Variants in MFSD2A observed in about 807,000 individuals in gnomAD.
The protein encoded by MFSD2A is MFSD2 lysolipid transporter A, lysophospholipid.
A neutral mutation model predicts 64.7 loss-of-function variants in MFSD2A; 27 were observed. The observed-to-expected ratio is 0.42, with a 90% confidence interval of 0.31 to 0.58. The LOEUF (loss-of-function observed/expected upper bound fraction) is 0.58, where lower values mean the gene tolerates loss of function less well. Among genes scored for constraint, MFSD2A ranks in the 20% least tolerant of loss-of-function variants. The pLI is 0.18. For missense variants in MFSD2A, 474 were observed against 679.5 expected, an observed-to-expected ratio of 0.70 and a Z score of 3.36; for synonymous variants, 258 against 273.4, an observed-to-expected ratio of 0.94 and a Z score of 0.55.
intron 3 of MFSD2A, among the ~76,000 whole-genome samples, chr1:39,961,537 C>T (rs763156852): frequency 6.6e-6 from 1 of 151,812 alleles, no homozygotes; most frequent in Non-Finnish European, 1.5e-5. Flanking sequence ...TTAGTAGAGA[C>T]GAGGTTTCAC....
In MFSD2A at chr1:39,968,722, T is replaced by A. The variant is rs1645218187; in HGVS notation, c.1506T>A (p.Asn502Lys). 2.5e-6 allele frequency: 4 copies of A among 1,613,784 alleles called. No individual in the cohort carries two copies. The highest frequency in any genetic ancestry group is 1.3e-5 in the African/African-American group (1 of 74,800). ...YPIDEERRRQ[N>K]KKALQALRDE... is the part of the protein sequence containing the mutation. ...TTGATGAGGAGAGGCGGCGGCAGAATAAGAAGGCCCTGCAGGCACTGAGGT... is the reference window on the plus strand; with the variant it reads ...TTGATGAGGAGAGGCGGCGGCAGAAAAAGAAGGCCCTGCAGGCACTGAGGT... Residue 502 changes from asparagine (N) to lysine (K), a missense_variant, in exon 13 of 14, where the codon AAT becomes AAA. Asn to Lys is a moderately conservative substitution (Grantham distance 94, BLOSUM62 0). Coordinates refer to ENST00000372811, the MANE Select transcript of MFSD2A (RefSeq NM_032793.5). The surrounding 1 kb of genome is among the most constrained non-coding windows in gnomAD (Gnocchi z 4.4).
At chr1:39,961,568 C>T (rs1397675346) in intron 3 of MFSD2A, among the ~76,000 whole-genome samples, 8 of 151,868 alleles carry the variant, frequency 5.3e-5, no homozygotes, top group African/African-American at 1.9e-4. Flanking sequence ...AAGATGGTCT[C>T]GATCTCCTGA....
intron 3 of MFSD2A, chr1:39,962,563 G>T (rs1443989334): frequency 1.6e-6 from 1 of 618,076 alleles, no homozygotes; most frequent in Non-Finnish European, 2.9e-6. Flanking sequence ...GATGACACTG[G>T]TGCAGCGGGG....
chr1:39,967,464 C>T, intron 9 of MFSD2A, 164 bp from the exon 10 acceptor site: 1 of 693,982 alleles, frequency 1.4e-6, no homozygotes, highest in South Asian at 1.7e-5. Flanking sequence ...CTCTGAGCTC[C>T]CCTGGGGAGC....
chr1:39,964,929 C>T lies in MFSD2A; in HGVS notation c.354-282C>T. 1 of 478,854 alleles carries T rather than the reference C, an allele frequency of 2.1e-6. No individual in the cohort carries two copies. The highest frequency in any genetic ancestry group is 2.6e-5 in the South Asian group (1 of 38,324). 29.7% of individuals were successfully genotyped at this position (478,854 alleles called of 1,614,324 possible). A position where few individuals can be genotyped will look rare whatever the true frequency, so the allele number is the denominator to read the frequency against. On this transcript the variant is annotated intron_variant, in intron 3 of 13. Coordinates refer to ENST00000372811, the MANE Select transcript of MFSD2A (RefSeq NM_032793.5). The surrounding 1 kb of genome is among the most constrained non-coding windows in gnomAD (Gnocchi z 4.1). ...GGTCTTGGACTCCTGTCCTAACTCT[C>T]AGCCCATTAGAGGCTGCTGCCTCTG...
rs548302667 is a variant in MFSD2A at position 39,955,288 on chromosome 1, G to C, written c.-5G>C. The C allele has an allele frequency of 5.7e-6, 8 of 1,413,382 alleles. No individual in the cohort carries two copies. Among genetic ancestry groups the C allele is most frequent in the Non-Finnish European group, 7.4e-6 (8 of 1,081,192 alleles). 87.6% of individuals were successfully genotyped at this position (1,413,382 alleles called of 1,614,324 possible). On this transcript the variant is annotated 5_prime_UTR_variant, in exon 1 of 14. Transcript: ENST00000372811. The surrounding 1 kb of genome is among the most constrained non-coding windows in gnomAD (Gnocchi z 5.9). ...CCAGGTCCCAAGCGGCGTGGCCCGC[G>C]GGTCATGGCCAAAGGAGAAGGCGCC...
chr1:39,967,995 A>G lies in MFSD2A; in HGVS notation c.1208+79A>G, dbSNP rs374281341. On this transcript the variant is annotated intron_variant, in intron 11 of 13. Transcript: ENST00000372811. ...TTTGAAGCTCCTTAGGGAGAGTTCT[A>G]TGCAGTGTTCTCCCACAGGCCATTC... is the stretch of plus-strand genomic sequence containing the variant. 9.0e-6 allele frequency: 8 copies of G among 884,392 alleles called. No homozygotes were observed. The African/African-American group carries it at 1.0e-4, about 11-fold the overall frequency. The allele number at this position is 884,392 out of a possible 1,614,324, so 54.8% of individuals were successfully genotyped here. A position where few individuals can be genotyped will look rare whatever the true frequency, so the allele number is the denominator to read the frequency against.
At chr1:39,959,947 A>T (rs891727884) in intron 3 of MFSD2A, among the ~76,000 whole-genome samples, 32 of 152,250 alleles carry the variant, frequency 2.1e-4, no homozygotes, top group African/African-American at 7.7e-4. Context: ...TCCATGTGGG[A>T]CCCTCCAACA....
Position 39,965,396 on chromosome 1 carries a change from C to T in MFSD2A, c.477+62C>T. 6.2e-7 allele frequency: 1 copy of T among 1,613,460 alleles called. No individual in the cohort carries two copies. Among genetic ancestry groups the T allele is most frequent in the Non-Finnish European group, 8.5e-7 (1 of 1,179,616 alleles). On this transcript the variant is annotated intron_variant, in intron 4 of 13. Transcript: ENST00000372811. This position sits in a 1 kb window ranked among gnomAD's most constrained non-coding sequence, Gnocchi z 5.5. ...CCGGGAGGAGGGCGGTCCTTGGGGC[C>T]CCCAGGGTTGGTACTGGAAGCTACA...
chr1:39,968,239 C>T lies in MFSD2A; in HGVS notation c.1209-95C>T. 2.0e-6 allele frequency: 3 copies of T among 1,466,078 alleles called. No individual in the cohort carries two copies. The highest frequency in any genetic ancestry group is 2.8e-6 in the Non-Finnish European group (3 of 1,055,132). The allele number at this position is 1,466,078 out of a possible 1,614,324, so 90.8% of individuals were successfully genotyped here. On this transcript the variant is annotated intron_variant, in intron 11 of 13. Transcript: ENST00000372811. This position sits in a 1 kb window ranked among gnomAD's most constrained non-coding sequence, Gnocchi z 4.4. ...CCATATCCTCACTGAGCTGTGTACC[C>T]ATGGTACTGCAAGCTTCCAGAGGGC...
intron 6 of MFSD2A, 143 bp downstream of exon 6, chr1:39,966,157 C>T: frequency 1.0e-6 from 1 of 977,404 alleles, no homozygotes; most frequent in Non-Finnish European, 1.5e-6. Flanking sequence ...ACCCAATATA[C>T]CTACTTTGCA....
Position 39,966,585 on chromosome 1 carries a change from C to T in MFSD2A, c.715-16C>T. The stretch of plus-strand genomic sequence containing the variant: ...CAAACTGACCATCCTTGTATGTCGC[C>T]TTCACCTCCTTATAGCAAAAGGCAT... On this transcript the variant is annotated splice_polypyrimidine_tract_variant and intron_variant, in intron 6 of 13. Coordinates refer to ENST00000372811, the MANE Select transcript of MFSD2A (RefSeq NM_032793.5). The T allele has an allele frequency of 6.2e-7, 1 of 1,602,546 alleles. No individual in the cohort carries two copies. The highest frequency in any genetic ancestry group is 8.5e-7 in the Non-Finnish European group (1 of 1,173,174).
chr1:39,959,250 C>CTTT (rs747125051), intron 3 of MFSD2A, among the ~76,000 whole-genome samples: 1 of 142,044 alleles, frequency 7.0e-6, no homozygotes, highest in Non-Finnish European at 1.5e-5. Context: ...ATCTTTCTTT[C>CTTT]TTTTTTTTTT....
rs1397691744 is a variant in MFSD2A at position 39,968,054 on chromosome 1, C to T, written c.1208+138C>T. 1.5e-6 allele frequency: 1 copy of T among 648,430 alleles called. No homozygotes were observed. Among genetic ancestry groups the T allele is most frequent in the African/African-American group, 1.8e-5 (1 of 54,604 alleles). 40.2% of individuals were successfully genotyped at this position (648,430 alleles called of 1,614,324 possible). The stretch of plus-strand genomic sequence containing the variant: ...CAGGTTAGGAGTGGGGGAGGTCTGT[C>T]CTGTACAGTTGTACAGGTAGTGAGC... On this transcript the variant is annotated intron_variant, in intron 11 of 13. Transcript: ENST00000372811. The surrounding 1 kb of genome is among the most constrained non-coding windows in gnomAD (Gnocchi z 4.4).
At position 39,969,847 on chromosome 1, in the gene MFSD2A, T is replaced by C; in HGVS notation, c.*279T>C. ...CGGAACACTAATGTAGAAACCTTTTTTTTTACAGAGCCTAATTAATAACTT... is the reference window on the plus strand; with the variant it reads ...CGGAACACTAATGTAGAAACCTTTTCTTTTACAGAGCCTAATTAATAACTT... On this transcript the variant is annotated 3_prime_UTR_variant, in exon 14 of 14. Transcript: ENST00000372811. The C allele has an allele frequency of 2.1e-6, 1 of 483,518 alleles. No individual in the cohort carries two copies. The highest frequency in any genetic ancestry group is 3.6e-6 in the Non-Finnish European group (1 of 275,206). 30.0% of individuals were successfully genotyped at this position (483,518 alleles called of 1,614,324 possible).
At position 39,958,803 on chromosome 1, in the gene MFSD2A, T is replaced by A; in HGVS notation, c.331T>A (p.Cys111Ser). 1 of 1,612,370 alleles carries A rather than the reference T, an allele frequency of 6.2e-7. No homozygotes were observed. Among genetic ancestry groups the A allele is most frequent in the Non-Finnish European group, 8.5e-7 (1 of 1,179,072 alleles). Residue 111 changes from cysteine (C) to serine (S), a missense_variant, in exon 3 of 14, where the codon TGC becomes AGC. Transcript: ENST00000372811. The surrounding 1 kb of genome is among the most constrained non-coding windows in gnomAD (Gnocchi z 4.7). ...CTGCATCAGCAAATCCCCCTGGACCTGCCTGGGTCGCCTTATGCCCTGGTG... is the reference window on the plus strand; with the variant it reads ...CTGCATCAGCAAATCCCCCTGGACCAGCCTGGGTCGCCTTATGCCCTGGTG... The part of the protein sequence containing the change: ...GLCISKSPWT[C>S]LGRLMPWIIF...
rs2124763328 is a variant in MFSD2A, at chr1:39,960,749, CAA to C, written c.353+1925_353+1926del. Among the ~76,000 whole-genome samples, 2 of 152,300 alleles carry C rather than the reference CAA, an allele frequency of 1.3e-5. 1 individual carries two copies. The highest frequency in any genetic ancestry group is 4.1e-4 in the South Asian group (2 of 4,832). ...CTCTTGTTCCCTGAGGAGACAGAGTCAAGAGAGGTGGAGGTGGGCAGGCCTTC... is the reference window on the plus strand; with the variant it reads ...CTCTTGTTCCCTGAGGAGACAGAGTCGAGAGGTGGAGGTGGGCAGGCCTTC... On this transcript the variant is annotated intron_variant, in intron 3 of 13. Transcript: ENST00000372811. The surrounding 1 kb of genome is among the most constrained non-coding windows in gnomAD (Gnocchi z 4.8).
rs961027120 is a variant in MFSD2A at position 39,955,843 on chromosome 1, TGCTCTTAAAGGAGCC to T, written c.93+461_93+475del. The T allele has an allele frequency of 6.7e-5, 20 of 299,794 alleles. No homozygotes were observed. Among genetic ancestry groups the T allele is most frequent in the Non-Finnish European group, 1.1e-4 (17 of 149,560 alleles). 18.6% of individuals were successfully genotyped at this position (299,794 alleles called of 1,614,324 possible). A position where few individuals can be genotyped will look rare whatever the true frequency, so the allele number is the denominator to read the frequency against. ...AGTTCATTCATAAGAACAAGAGCTC[TGCTCTTAAAGGAGCC>T]GCGTCCCTCAGGCATTTGTCTGAAT... On this transcript the variant is annotated intron_variant, in intron 1 of 13. Coordinates refer to ENST00000372811, the MANE Select transcript of MFSD2A (RefSeq NM_032793.5). This position sits in a 1 kb window ranked among gnomAD's most constrained non-coding sequence, Gnocchi z 5.9.
At position 39,964,369 on chromosome 1, in the gene MFSD2A, C is replaced by T. The variant is rs1324359647; in HGVS notation, c.354-842C>T. On this transcript the variant is annotated intron_variant, in intron 3 of 13. Coordinates refer to ENST00000372811, the MANE Select transcript of MFSD2A (RefSeq NM_032793.5). The surrounding 1 kb of genome is among the most constrained non-coding windows in gnomAD (Gnocchi z 4.1). ...ACTTATGAGGAAATGAGGAAACGAG[C>T]TTCAGATAATTTAAATAACTTCCCA... is the stretch of plus-strand genomic sequence containing the variant. The T allele has an allele frequency of 6.6e-6, 1 of 152,196 alleles. No individual in the cohort carries two copies. The highest frequency in any genetic ancestry group is 1.9e-4 in the East Asian group (1 of 5,200). The allele number at this position is 152,196 out of a possible 1,614,324, so 9.4% of individuals were successfully genotyped here.
Sources: gnomAD v4.1 joint callset for allele counts (sites outside exome capture counted in the v4.1 genomes callset) on GRCh38, gnomAD v4.1.1 for gene constraint, Gnocchi (gnomAD v3.1) non-coding constraint, MANE v1.5 for transcripts, NCBI Gene and HGNC (gene_info 2026-07-23, HGNC 2026-07-21) for gene names.